Variants in LLGL2 observed in about 807,000 individuals in gnomAD.
LLGL2 encodes the protein LLGL scribble cell polarity complex component 2.
A neutral mutation model predicts 123.2 loss-of-function variants in LLGL2; 81 were observed. The observed-to-expected ratio is 0.66, with a 90% confidence interval of 0.55 to 0.79. The LOEUF (loss-of-function observed/expected upper bound fraction) is 0.79, where lower values mean the gene tolerates loss of function less well. LLGL2 is among the 30% of genes least tolerant of loss of function. The probability of loss-of-function intolerance (pLI) is 0.00; values close to 1 mark genes in which losing one functional copy is unlikely to be tolerated. For synonymous variants in LLGL2, 577 were observed against 594.1 expected (o/e 0.97, Z 0.42); for missense variants, 1,273 against 1,414.6 (o/e 0.90, Z 1.61).
At chr17:75,555,609 C>T (rs2054874484) in intron 2 of LLGL2, among the ~76,000 whole-genome samples, 1 of 152,044 alleles carries the variant, frequency 6.6e-6, no homozygotes, top group South Asian at 2.1e-4. Context: ...ACTCTAGGCC[C>T]CTGGGTGAGC....
At chr17:75,570,572 C>A in intron 16 of LLGL2, 74 bp downstream of exon 16, 1 of 1,482,094 alleles carries the variant, frequency 6.7e-7, no homozygotes. Flanking sequence ...GGGGGCCACA[C>A]GGCCCCTGCT....
chr17:75,534,339 G>A (rs115961177), intron 1 of LLGL2, among the ~76,000 whole-genome samples: 1,861 of 152,356 alleles, frequency 0.012, 36 homozygotes, highest in African/African-American at 0.042. Flanking sequence ...GATTCCATAG[G>A]ATAGATGGTG....
intron 24 of LLGL2, 50 bp downstream of exon 24, chr17:75,574,545 G>T: frequency 6.3e-7 from 1 of 1,589,242 alleles, no homozygotes; most frequent in Non-Finnish European, 8.6e-7. Context: ...TCTGCCAGAG[G>T]GCTCAGGGGA....
chr17:75,532,986 G>A (rs948179428), intron 1 of LLGL2, among the ~76,000 whole-genome samples: 3 of 152,174 alleles, frequency 2.0e-5, no homozygotes, highest in South Asian at 2.1e-4. Flanking sequence ...TTAACTGTTC[G>A]TTCATTCATT....
At chr17:75,570,562 G>T in intron 16 of LLGL2, 64 bp downstream of exon 16, 1 of 1,524,016 alleles carries the variant, frequency 6.6e-7, no homozygotes, top group African/African-American at 1.4e-5. Flanking sequence ...CAGCCAGCAG[G>T]GGGGCCACAC....
In LLGL2 at chr17:75,543,510, G is replaced by A; in HGVS notation, c.75+9G>A. The A allele has an allele frequency of 6.2e-7, 1 of 1,606,662 alleles. No individual in the cohort carries two copies. Among genetic ancestry groups the A allele is most frequent in the African/African-American group, 1.3e-5 (1 of 74,832 alleles). On this transcript the variant is annotated intron_variant, in intron 2 of 25. Coordinates refer to ENST00000392550, the MANE Select transcript of LLGL2 (RefSeq NM_001031803.2). Reference sequence around the variant, plus strand: ...TGTTCCAGTTTAACAAGGTAAGTTAGGGAGAGCAGGGAAGATGACCCCCAG... The same window carrying A: ...TGTTCCAGTTTAACAAGGTAAGTTAAGGAGAGCAGGGAAGATGACCCCCAG...
At chr17:75,529,911 G>A (rs2053715166) in intron 1 of LLGL2, among the ~76,000 whole-genome samples, 1 of 152,098 alleles carries the variant, frequency 6.6e-6, no homozygotes, top group African/African-American at 2.4e-5. Flanking sequence ...GTCTTTCTAG[G>A]CTTCAGGTGT....
At chr17:75,568,894 G>A in intron 12 of LLGL2, 55 bp downstream of exon 12, 2 of 1,566,884 alleles carry the variant, frequency 1.3e-6, no homozygotes, top group Non-Finnish European at 1.7e-6. Context: ...TGGGGTGGGA[G>A]CAGAGCCCTG....
chr17:75,569,432 C>CT, intron 14 of LLGL2, 107 bp downstream of exon 14: 1 of 896,728 alleles, frequency 1.1e-6, no homozygotes, highest in Non-Finnish European at 1.8e-6. Context: ...GTGTCCTTTG[C>CT]TTTTCCGGTG....
intron 22 of LLGL2, 30 bp from the exon 23 acceptor site, chr17:75,574,183 G>T: frequency 6.6e-7 from 1 of 1,521,100 alleles, no homozygotes; most frequent in Non-Finnish European, 8.8e-7. Flanking sequence ...GGCCCAGGCG[G>T]GGCGCCCTGA....
At chr17:75,555,076 C>G (rs2054844945) in intron 2 of LLGL2, among the ~76,000 whole-genome samples, 1 of 149,188 alleles carries the variant, frequency 6.7e-6, no homozygotes, top group Non-Finnish European at 1.5e-5. Flanking sequence ...ACTCGGAAGG[C>G]TGAGGCAGGA....
At position 75,570,343 on chromosome 17, in the gene LLGL2, C is replaced by G. The variant is rs115615615; in HGVS notation, c.1875-5C>G. 5,137 of 1,611,664 alleles carry G rather than the reference C, an allele frequency of 3.2e-3. 140 individuals are homozygous for G. The African/African-American group carries it at 0.059, about 19-fold the overall frequency. On this transcript the variant is annotated splice_polypyrimidine_tract_variant and splice_region_variant and intron_variant, in intron 15 of 25. Transcript: ENST00000392550. ...GCAGCACTGACAGCCTGCCATCCCC[C>G]CAAGGTGCACACTGCACCCCAGTGA...
At chr17:75,563,669 G>C in intron 8 of LLGL2, 83 bp from the exon 9 acceptor site, 1 of 1,536,320 alleles carries the variant, frequency 6.5e-7, no homozygotes, top group Non-Finnish European at 9.0e-7. Context: ...GATGTGGCAT[G>C]AGCTAGAGGG....
At chr17:75,537,840 T>A (rs1270746968) in intron 1 of LLGL2, among the ~76,000 whole-genome samples, 1 of 146,226 alleles carries the variant, frequency 6.8e-6, no homozygotes. Flanking sequence ...AGACAGTCTC[T>A]CTCTGTTGCC....
In LLGL2 at chr17:75,573,268, A is replaced by G; in HGVS notation, c.2715A>G (p.Lys905=). The change falls in exon 20 of 26, where the codon AAA becomes AAG. Residue 905 remains lysine (K), a synonymous_variant. Coordinates refer to ENST00000392550, the MANE Select transcript of LLGL2 (RefSeq NM_001031803.2). Reference sequence around the variant, plus strand: ...GCATCGCCTCCTGCGTCTTCACCAAATATGGCCAAGGTGTTTGAGCCGGGC... The same window carrying G: ...GCATCGCCTCCTGCGTCTTCACCAAGTATGGCCAAGGTGTTTGAGCCGGGC... ...VSGIASCVFT[K]YGQGFYLISP... 6.2e-7 allele frequency: 1 copy of G among 1,600,336 alleles called. No individual in the cohort carries two copies. The highest frequency in any genetic ancestry group is 8.5e-7 in the Non-Finnish European group (1 of 1,170,310).
intron 1 of LLGL2, among the ~76,000 whole-genome samples, chr17:75,526,295 G>T (rs1180350771): frequency 3.3e-5 from 5 of 152,116 alleles, no homozygotes; most frequent in Non-Finnish European, 7.4e-5. Context: ...TGTCCCTGCC[G>T]GCCCTTTGTG....
intron 2 of LLGL2, among the ~76,000 whole-genome samples, chr17:75,550,780 CAAAAAAAA>C (rs57482643): frequency 1.5e-4 from 14 of 94,658 alleles, no homozygotes; most frequent in East Asian, 9.0e-4. Flanking sequence ...GACCCTGTCT[CAAAAAAAA>C]AAAAAAAAAA....
chr17:75,574,423 AGTGGGCCTCT>A lies in LLGL2; in HGVS notation c.2954-27_2954-18del. On this transcript the variant is annotated intron_variant, in intron 23 of 25. Coordinates refer to ENST00000392550, the MANE Select transcript of LLGL2 (RefSeq NM_001031803.2). ...TGTGGCTAGCCGCCCCAAGGGCCTCAGTGGGCCTCTGTTCCCACCCGGCCTGCAGGAGTCC... is the reference window on the plus strand; with the variant it reads ...TGTGGCTAGCCGCCCCAAGGGCCTCAGTTCCCACCCGGCCTGCAGGAGTCC... 1 of 1,548,004 alleles carries A rather than the reference AGTGGGCCTCT, an allele frequency of 6.5e-7. No individual in the cohort carries two copies. The highest frequency in any genetic ancestry group is 8.7e-7 in the Non-Finnish European group (1 of 1,146,840).
chr17:75,551,727 G>A (rs2054683614), intron 2 of LLGL2, among the ~76,000 whole-genome samples: 2 of 152,182 alleles, frequency 1.3e-5, no homozygotes, highest in Admixed American at 6.5e-5. Flanking sequence ...TCCTGCTGGT[G>A]TGCGGAATTG....
Sources: gnomAD v4.1 joint callset for allele counts (sites outside exome capture counted in the v4.1 genomes callset) on GRCh38, gnomAD v4.1.1 for gene constraint, MANE v1.5 for transcripts, NCBI Gene and HGNC (gene_info 2026-07-23, HGNC 2026-07-21) for gene names.